Variants in PDE3B observed in about 807,000 individuals in gnomAD.
PDE3B encodes the protein phosphodiesterase 3B.
PDE3B carries 66 observed loss-of-function variants against 116.8 expected under a neutral mutation model. The observed-to-expected ratio is 0.56, with a 90% confidence interval of 0.46 to 0.69. PDE3B has a LOEUF of 0.69. PDE3B is among the 30% of genes least tolerant of loss of function. The pLI is 0.00. For synonymous variants in PDE3B, 595 were observed against 533.6 expected (o/e 1.12, Z -1.59); for missense variants, 1,384 against 1,368.1 (o/e 1.01, Z -0.18).
intron 11 of PDE3B, among the ~76,000 whole-genome samples, chr11:14,839,498 A>G (rs1769813925): frequency 6.6e-6 from 1 of 152,232 alleles, no homozygotes; most frequent in South Asian, 2.1e-4. Flanking sequence ...GATTATTCTC[A>G]ATGTAATCAG....
At chr11:14,777,962 C>T (rs1057025437) in intron 2 of PDE3B, among the ~76,000 whole-genome samples, 2 of 152,160 alleles carry the variant, frequency 1.3e-5, no homozygotes, top group African/African-American at 4.8e-5. Flanking sequence ...CTGCGCTTTT[C>T]CACCTAATAC....
At chr11:14,649,712 G>A (rs1853513111) in intron 1 of PDE3B, among the ~76,000 whole-genome samples, 1 of 152,214 alleles carries the variant, frequency 6.6e-6, no homozygotes, top group Non-Finnish European at 1.5e-5. Flanking sequence ...TTATTTCAGA[G>A]TAATTTGTAA....
At chr11:14,693,739 G>T (rs573500180) in intron 1 of PDE3B, among the ~76,000 whole-genome samples, 5 of 152,298 alleles carry the variant, frequency 3.3e-5, no homozygotes, top group Admixed American at 3.3e-4. Context: ...AGATGTACAA[G>T]GAGATAAATG....
intron 2 of PDE3B, chr11:14,772,569 C>G (rs775554261): frequency 6.6e-6 from 1 of 151,904 alleles, no homozygotes; most frequent in African/African-American, 2.4e-5. Context: ...CAATTCCAGT[C>G]ATTACCTATA....
the PDE3B span, chr11:14,880,729 T>A: frequency 6.2e-7 from 1 of 1,605,576 alleles, no homozygotes; most frequent in Non-Finnish European, 8.5e-7. Flanking sequence ...TAATCGTCTG[T>A]GATCAACCCA....
At chr11:14,738,255 T>G (rs1342355583) in intron 1 of PDE3B, among the ~76,000 whole-genome samples, 1 of 152,214 alleles carries the variant, frequency 6.6e-6, no homozygotes, top group Non-Finnish European at 1.5e-5. Context: ...AGTGTTCCTA[T>G]TTCTACACAT....
chr11:14,775,409 T>C (rs1857756982), intron 2 of PDE3B: 2 of 152,236 alleles, frequency 1.3e-5, no homozygotes, highest in Non-Finnish European at 2.9e-5. Context: ...TAAACAAATA[T>C]AAATATAATC....
intron 1 of PDE3B, chr11:14,674,387 C>T: frequency 1.5e-6 from 1 of 689,314 alleles, no homozygotes; most frequent in Non-Finnish European, 2.7e-6. Context: ...CTCTCTGGAA[C>T]CCACTCATCC....
At chr11:14,880,782 T>A in the PDE3B span, 5 of 1,599,604 alleles carry the variant, frequency 3.1e-6, no homozygotes, top group African/African-American at 6.8e-5. Flanking sequence ...AAAAAAAATA[T>A]TAAAATATTG....
chr11:14,747,097 G>A (rs969530349), intron 1 of PDE3B, among the ~76,000 whole-genome samples: 2 of 152,152 alleles, frequency 1.3e-5, no homozygotes, highest in African/African-American at 2.4e-5. Context: ...CAAGGGTTGG[G>A]GGAGGTGCCA....
chr11:14,744,655 A>G (rs995807819), intron 1 of PDE3B, among the ~76,000 whole-genome samples: 1 of 152,208 alleles, frequency 6.6e-6, no homozygotes, highest in Non-Finnish European at 1.5e-5. Flanking sequence ...TAAATTGAGT[A>G]GTAGATTTAG....
chr11:14,815,385 C>T (rs1859291350), intron 5 of PDE3B, among the ~76,000 whole-genome samples: 2 of 152,130 alleles, frequency 1.3e-5, no homozygotes, highest in Admixed American at 6.5e-5. Flanking sequence ...TCTGGAGAAT[C>T]AGCTGGGAAT....
At chr11:14,754,596 C>G (rs1038262946) in intron 1 of PDE3B, among the ~76,000 whole-genome samples, 5 of 152,076 alleles carry the variant, frequency 3.3e-5, no homozygotes, top group Non-Finnish European at 7.4e-5. Context: ...TTGTATATGA[C>G]AACGTTTTGT....
chr11:14,656,016 A>G (rs1853708108), intron 1 of PDE3B, among the ~76,000 whole-genome samples: 1 of 152,180 alleles, frequency 6.6e-6, no homozygotes, highest in African/African-American at 2.4e-5. Context: ...ATTATTGACA[A>G]TGGGAAAAGT....
chr11:14,788,204 G>A (rs540737277), intron 3 of PDE3B, among the ~76,000 whole-genome samples: 2 of 151,956 alleles, frequency 1.3e-5, no homozygotes, highest in East Asian at 3.9e-4. Flanking sequence ...CATATAAAAA[G>A]CCTGTTGTTA....
intron 1 of PDE3B, among the ~76,000 whole-genome samples, chr11:14,770,146 A>C (rs1175088935): frequency 6.6e-6 from 1 of 151,440 alleles, no homozygotes; most frequent in Non-Finnish European, 1.5e-5. Context: ...TAAAAAAGTT[A>C]GCAGACCAAG....
At position 14,771,942 on chromosome 11, in the gene PDE3B, T is replaced by G. The variant is rs892155255; in HGVS notation, c.984T>G (p.Ile328Met). The change falls in exon 2 of 16, where the codon ATT (isoleucine) becomes ATG (methionine). Residue 328 changes from isoleucine (I) to methionine (M), a missense_variant. By Grantham distance (10) the Ile-to-Met change is conservative. Around this residue, in one of 2 missense-constraint regions of PDE3B, gnomAD observed 956 missense variants for 806.8 expected, o/e 1.18. Transcript: ENST00000282096. ...SLPCISREQM[I>M]LWDWDLKQWY... is the part of the protein sequence containing the mutation. ...AAGTGAATTTTTTTTTCTAGATGAT[T>G]CTTTGGGATTGGGACTTAAAACAAT... 4.5e-6 allele frequency: 6 copies of G among 1,335,712 alleles called. No individual in the cohort carries two copies. The highest frequency in any genetic ancestry group is 1.5e-5 in the African/African-American group (1 of 65,388). The allele number at this position is 1,335,712 out of a possible 1,614,324, so 82.7% of individuals were successfully genotyped here.
At chr11:14,891,770 G>T in the PDE3B span, 3 of 1,384,800 alleles carry the variant, frequency 2.2e-6, no homozygotes, top group Non-Finnish European at 2.8e-6. Context: ...GTGGGTCACC[G>T]GCAGGGGCGG....
At chr11:14,690,616 CT>C (rs111280188) in intron 1 of PDE3B, among the ~76,000 whole-genome samples, 29,911 of 134,060 alleles carry the variant, frequency 0.22, 3,505 homozygotes, top group African/African-American at 0.36. Flanking sequence ...ATTTTGCTTC[CT>C]TTTTTTTTTT....
Sources: gnomAD v4.1 joint callset for allele counts (sites outside exome capture counted in the v4.1 genomes callset) on GRCh38, gnomAD v4.1.1 for gene constraint, gnomAD v4.1.1 regional missense constraint, MANE v1.5 for transcripts, NCBI Gene and HGNC (gene_info 2026-07-23, HGNC 2026-07-21) for gene names.